The following ZNF519 variants were observed in gnomAD, a reference collection of about 807,000 sequenced individuals.
The protein encoded by ZNF519 is similar to Zinc finger protein 85 (Zinc finger protein HPF4) (HTF1).
A neutral mutation model predicts 7.4 loss-of-function variants in ZNF519; 7 were observed. That is an observed-to-expected ratio of 0.94 (90% CI 0.54 to 1.77). The LOEUF (loss-of-function observed/expected upper bound fraction) is 1.77, where lower values mean the gene tolerates loss of function less well. Among genes scored for constraint, ZNF519 ranks in the 40% most tolerant of loss-of-function variants. ZNF519 has a pLI of 0.00. For synonymous variants in ZNF519, 179 were observed against 203.3 expected (o/e 0.88, Z 1.02); for missense variants, 586 against 623.1 (o/e 0.94, Z 0.63).
chr18:14,128,011 C>G (rs750074729), intron 1 of ZNF519, among the ~76,000 whole-genome samples: 1 of 151,808 alleles, frequency 6.6e-6, no homozygotes, highest in East Asian at 1.9e-4. Context: ...CTCCACCAGC[C>G]GGGCGCGGTG....
intron 1 of ZNF519, among the ~76,000 whole-genome samples, chr18:14,127,839 G>A (rs1234882818): frequency 6.6e-6 from 1 of 151,848 alleles, no homozygotes; most frequent in Non-Finnish European, 1.5e-5. Context: ...TGAAGATTTG[G>A]GGGGCACTTT....
intron 2 of ZNF519, among the ~76,000 whole-genome samples, chr18:14,089,389 T>A (rs1306012851): frequency 6.6e-6 from 1 of 152,324 alleles, no homozygotes; most frequent in East Asian, 1.9e-4. Context: ...GGATGTTTAG[T>A]CTGAGGCTAA....
In ZNF519 at chr18:14,105,877, G is replaced by T. The variant is rs1490360060; in HGVS notation, c.663C>A (p.Phe221Leu). ...TTCTTTGATGTTGAGTAAGCTTTGA[G>T]AATGGGTCAGAAGTTTCACCACATT... ...SNECGETSDP[F>L]SKLTQHQRIY... The change falls in exon 3 of 3, where the codon TTC becomes TTA. Residue 221 changes from phenylalanine (F) to leucine (L), a missense_variant. Physicochemically the swap from Phe to Leu is conservative, Grantham distance 22. Coordinates refer to ENST00000590202, the MANE Select transcript of ZNF519 (RefSeq NM_145287.4). 1.2e-6 allele frequency: 2 copies of T among 1,603,990 alleles called. No individual in the cohort carries two copies. Among genetic ancestry groups the T allele is most frequent in the Non-Finnish European group, 1.7e-6 (2 of 1,177,572 alleles).
At chr18:14,111,068 A>T (rs1479816986) in intron 2 of ZNF519, among the ~76,000 whole-genome samples, 2 of 152,000 alleles carry the variant, frequency 1.3e-5, no homozygotes, top group African/African-American at 2.4e-5. Context: ...TAGCAAACAA[A>T]GCCAAAATTA....
At chr18:14,109,126 A>AT (rs2046209123) in intron 2 of ZNF519, among the ~76,000 whole-genome samples, 2 of 151,760 alleles carry the variant, frequency 1.3e-5, no homozygotes, top group African/African-American at 2.4e-5. Flanking sequence ...TCAAAAAAAA[A>AT]AAAAAAAAAT....
At chr18:14,121,144 CAG>C (rs2046268113) in intron 2 of ZNF519, among the ~76,000 whole-genome samples, 1 of 151,952 alleles carries the variant, frequency 6.6e-6, no homozygotes, top group South Asian at 2.1e-4. Context: ...CTCATAGAAG[CAG>C]AGAGTAGAAG....
At chr18:14,106,800 T>G (rs553443804) in intron 2 of ZNF519, among the ~76,000 whole-genome samples, 2 of 151,944 alleles carry the variant, frequency 1.3e-5, no homozygotes, top group African/African-American at 4.8e-5. Context: ...ACTTGGGAGA[T>G]AGAGAACACT....
chr18:14,080,230 T>C (rs2046065042), intron 3 of ZNF519: 1 of 149,856 alleles, frequency 6.7e-6, no homozygotes, highest in Non-Finnish European at 1.5e-5. Flanking sequence ...CACCAAATGC[T>C]GGCAAAGACG....
intron 2 of ZNF519, among the ~76,000 whole-genome samples, chr18:14,121,483 A>G (rs1171187921): frequency 6.6e-6 from 1 of 152,168 alleles, no homozygotes. Flanking sequence ...ATTTTTATTT[A>G]TCTGAAAAAT....
At chr18:14,078,907 TA>T in intron 3 of ZNF519, among the ~76,000 whole-genome samples, 1 of 152,274 alleles carries the variant, frequency 6.6e-6, no homozygotes, top group East Asian at 1.9e-4. Flanking sequence ...TCCTTCAAGG[TA>T]AAGATGAAGA....
downstream of ZNF519, among the ~76,000 whole-genome samples, chr18:14,098,404 C>A (rs374199214): frequency 1.1e-4 from 16 of 152,258 alleles, no homozygotes; most frequent in East Asian, 1.7e-3. Context: ...AAGAGATTCA[C>A]CTGCCTTGGC....
chr18:14,099,056 G>A (rs965566917), downstream of ZNF519, among the ~76,000 whole-genome samples: 2 of 151,958 alleles, frequency 1.3e-5, no homozygotes, highest in African/African-American at 2.4e-5. Flanking sequence ...GGTCTCTGGA[G>A]GTCTGTTCCA....
At chr18:14,088,188 T>G (rs1292924301) in intron 2 of ZNF519, among the ~76,000 whole-genome samples, 1 of 152,240 alleles carries the variant, frequency 6.6e-6, no homozygotes, top group Non-Finnish European at 1.5e-5. Context: ...GATGCTTGTT[T>G]GCCTCTAGCA....
intron 2 of ZNF519, chr18:14,123,218 T>TAA (rs34503801): frequency 0.015 from 2,174 of 143,976 alleles, 53 homozygotes; most frequent in South Asian, 0.12. Context: ...CTTGTTTTAT[T>TAA]AAAAAAAAAA....
intron 2 of ZNF519, among the ~76,000 whole-genome samples, chr18:14,094,931 T>C (rs1424366389): frequency 1.3e-5 from 2 of 152,200 alleles, no homozygotes; most frequent in Non-Finnish European, 2.9e-5. Flanking sequence ...CTCTGATAAA[T>C]TTCTGAATTA....
Position 14,088,672 on chromosome 18 carries a change from ATATACT to A in ZNF519, c.131-3602_131-3597del, listed in dbSNP as rs375989549. On this transcript the variant is annotated intron_variant and NMD_transcript_variant, in intron 2 of 4. Transcript: ENST00000587419. ...ATGGAGTAAAAATTAAAGGAGACAA[ATATACT>A]TATAACTGCTTAATTCTGAGAAATG... Among the ~76,000 whole-genome samples, 412 of 152,316 alleles carry A rather than the reference ATATACT, an allele frequency of 2.7e-3. 1 individual carries two copies. The highest frequency in any genetic ancestry group is 8.8e-3 in the African/African-American group (366 of 41,568).
chr18:14,083,360 C>CA (rs1019527444), intron 3 of ZNF519, among the ~76,000 whole-genome samples: 42 of 151,984 alleles, frequency 2.8e-4, no homozygotes, highest in African/African-American at 9.2e-4. Context: ...AAAAACAAAA[C>CA]AAAAAAACAA....
intron 2 of ZNF519, among the ~76,000 whole-genome samples, chr18:14,094,799 ATTTT>A (rs201599983): frequency 6.6e-6 from 1 of 150,906 alleles, no homozygotes; most frequent in Non-Finnish European, 1.5e-5. Context: ...GAGCTCACTG[ATTTT>A]TTTTTGTTTG....
intron 3 of ZNF519, chr18:14,082,202 A>C (rs1229236820): frequency 6.6e-6 from 1 of 152,176 alleles, no homozygotes; most frequent in Non-Finnish European, 1.5e-5. Flanking sequence ...TTATTAGTTA[A>C]ATCAAAAGAT....
Sources: allele counts gnomAD v4.1 joint callset (sites outside exome capture counted in the v4.1 genomes callset), GRCh38; gene constraint gnomAD v4.1.1; transcripts MANE v1.5; gene names NCBI Gene and HGNC (gene_info 2026-07-23, HGNC 2026-07-21).